The following ELP4 variants were observed in gnomAD, a reference collection of about 807,000 sequenced individuals.
ELP4 encodes elongator acetyltransferase complex subunit 4, also known as elongator complex protein 4.
A neutral mutation model predicts 48.9 loss-of-function variants in ELP4; 51 were observed. The ratio of observed to expected loss-of-function variants is 1.04; its 90% CI spans 0.83 to 1.32. The LOEUF (loss-of-function observed/expected upper bound fraction) is 1.32, where lower values mean the gene tolerates loss of function less well. Among genes scored for constraint, ELP4 ranks in the 40% most tolerant of loss-of-function variants. ELP4 has a pLI of 0.00. For missense variants in ELP4, 519 were observed against 514.6 expected (o/e 1.01, Z -0.08); for synonymous variants, 210 against 189.2 (o/e 1.11, Z -0.90).
intron 5 of ELP4, among the ~76,000 whole-genome samples, chr11:31,624,739 A>G (rs1305490189): frequency 6.6e-6 from 1 of 151,792 alleles, no homozygotes; most frequent in Non-Finnish European, 1.5e-5. Flanking sequence ...ACTTCACACA[A>G]TTCTACTAAA....
rs114573664 is a variant in ELP4 at position 31,523,428 on chromosome 11, G to A, written c.259+3337G>A. Among the ~76,000 whole-genome samples the A allele has an allele frequency of 2.1e-3, 314 of 152,082 alleles. 3 individuals carry two copies. Among genetic ancestry groups the A allele is most frequent in the African/African-American group, 6.9e-3 (285 of 41,462 alleles). ...TTTCCAACTTTTTAACCATTTTCTC[G>A]TGAAATAGTTTATTCATTTACCAAG... On this transcript the variant is annotated intron_variant, in intron 2 of 9. Transcript: ENST00000640961.
At chr11:31,734,031 A>T (rs1340317176) in intron 9 of ELP4, among the ~76,000 whole-genome samples, 2 of 152,224 alleles carry the variant, frequency 1.3e-5, no homozygotes, top group African/African-American at 4.8e-5. Context: ...ACCAAATGGA[A>T]TTTATCCCTG....
chr11:31,594,474 C>T (rs1032441471), intron 3 of ELP4, among the ~76,000 whole-genome samples: 3 of 151,994 alleles, frequency 2.0e-5, no homozygotes, highest in Non-Finnish European at 4.4e-5. Context: ...TAAGCAGATA[C>T]GTTTTGAGAA....
chr11:31,566,918 T>C (rs1957120829), intron 3 of ELP4, among the ~76,000 whole-genome samples: 1 of 152,232 alleles, frequency 6.6e-6, no homozygotes, highest in Admixed American at 6.5e-5. Flanking sequence ...TTACTACTGT[T>C]CTAAATCACT....
chr11:31,779,504 C>A (rs1948323287), intron 9 of ELP4, among the ~76,000 whole-genome samples: 1 of 152,122 alleles, frequency 6.6e-6, no homozygotes, highest in Non-Finnish European at 1.5e-5. Context: ...GTGGCTAAGC[C>A]CAACAAAGAG....
At chr11:31,575,582 A>G (rs1328786357) in intron 3 of ELP4, among the ~76,000 whole-genome samples, 1 of 152,248 alleles carries the variant, frequency 6.6e-6, no homozygotes, top group African/African-American at 2.4e-5. Flanking sequence ...TCAGACTAAC[A>G]GCTGATCTCT....
intron 9 of ELP4, among the ~76,000 whole-genome samples, chr11:31,730,625 C>T (rs112398157): frequency 4.0e-4 from 61 of 152,134 alleles, no homozygotes; most frequent in African/African-American, 1.3e-3. Context: ...AGCACTGACA[C>T]GGCCTGGCAT....
At position 31,788,866 on chromosome 11, in the gene ELP4, G is replaced by C. The variant is rs11827725; in HGVS notation, c.*5342G>C. 2 of 202,148 alleles carry C rather than the reference G, an allele frequency of 9.9e-6. No homozygotes were observed. Among genetic ancestry groups the C allele is most frequent in the African/African-American group, 4.6e-5 (2 of 43,686 alleles). The allele number at this position is 202,148 out of a possible 1,614,324, so 12.5% of individuals were successfully genotyped here. ...GTGTGTGAAAGTAACCATTGGTTTA[G>C]AATGTTGATCTAACATGGAAATAAA... On this transcript the variant is annotated 3_prime_UTR_variant, in exon 10 of 10. Coordinates refer to ENST00000640961, the MANE Select transcript of ELP4 (RefSeq NM_019040.5).
chr11:31,558,662 G>A (rs1392369724), intron 3 of ELP4, among the ~76,000 whole-genome samples: 1 of 152,158 alleles, frequency 6.6e-6, no homozygotes, highest in Non-Finnish European at 1.5e-5. Context: ...TAAGAGAGGA[G>A]TGATACTTAC....
At chr11:31,585,227 T>C (rs569378435) in intron 3 of ELP4, among the ~76,000 whole-genome samples, 1 of 152,284 alleles carries the variant, frequency 6.6e-6, no homozygotes, top group South Asian at 2.1e-4. Context: ...AGAAATTAAT[T>C]AGGATAATCT....
At chr11:31,728,046 C>A (rs188387739) in intron 9 of ELP4, among the ~76,000 whole-genome samples, 1 of 152,146 alleles carries the variant, frequency 6.6e-6, no homozygotes, top group African/African-American at 2.4e-5. Flanking sequence ...CATTATATTA[C>A]TTCCCAAAAA....
At chr11:31,537,678 G>A (rs1048488220) in intron 2 of ELP4, among the ~76,000 whole-genome samples, 1 of 152,040 alleles carries the variant, frequency 6.6e-6, no homozygotes, top group African/African-American at 2.4e-5. Context: ...GTGGGGAGGT[G>A]CTACACACTT....
chr11:31,665,981 T>C (rs1291587665), intron 9 of ELP4, among the ~76,000 whole-genome samples: 3 of 150,944 alleles, frequency 2.0e-5, no homozygotes, highest in Non-Finnish European at 4.4e-5. Flanking sequence ...ACATAAAATG[T>C]TTTTCAAAAT....
At chr11:31,755,031 T>C (rs564308897) in intron 9 of ELP4, among the ~76,000 whole-genome samples, 2 of 152,076 alleles carry the variant, frequency 1.3e-5, no homozygotes, top group South Asian at 2.1e-4. Flanking sequence ...GGAGGGAAAA[T>C]ATAAAACAAG....
chr11:31,573,160 C>G (rs1957214475), intron 3 of ELP4, among the ~76,000 whole-genome samples: 1 of 152,102 alleles, frequency 6.6e-6, no homozygotes, highest in Non-Finnish European at 1.5e-5. Context: ...TTATAACCAC[C>G]ACCATAATCA....
intron 7 of ELP4, among the ~76,000 whole-genome samples, chr11:31,644,955 A>G (rs758941222): frequency 1.3e-4 from 20 of 151,780 alleles, no homozygotes; most frequent in Non-Finnish European, 1.2e-4. Context: ...TTTTTATTCT[A>G]TAAATGTTTT....
chr11:31,760,887 C>T (rs1947931214), intron 9 of ELP4, among the ~76,000 whole-genome samples: 1 of 152,144 alleles, frequency 6.6e-6, no homozygotes, highest in Non-Finnish European at 1.5e-5. Context: ...ACTAATAATT[C>T]ACTGCTATTT....
intron 7 of ELP4, among the ~76,000 whole-genome samples, chr11:31,639,915 A>T (rs1322452268): frequency 6.6e-6 from 1 of 151,982 alleles, no homozygotes; most frequent in Non-Finnish European, 1.5e-5. Context: ...AGTAGTTATT[A>T]GCTAAAGGGC....
intron 2 of ELP4, among the ~76,000 whole-genome samples, chr11:31,527,142 CCCTT>C (rs1246441923): frequency 6.6e-6 from 1 of 152,006 alleles, no homozygotes; most frequent in East Asian, 1.9e-4. Context: ...TTGAAGTACT[CCCTT>C]CCTTTCTTCT....
Sources: gnomAD v4.1 joint callset for allele counts (sites outside exome capture counted in the v4.1 genomes callset) on GRCh38, gnomAD v4.1.1 for gene constraint, MANE v1.5 for transcripts, NCBI Gene and HGNC (gene_info 2026-07-23, HGNC 2026-07-21) for gene names.